Variants in RBFOX1 observed in about 807,000 individuals in gnomAD.
The protein encoded by RBFOX1 is RNA binding protein fox-1 homolog 1.
RBFOX1 carries 8 observed loss-of-function variants against 57.7 expected under a neutral mutation model. The observed-to-expected ratio is 0.14, with a 90% CI of 0.08 to 0.25. RBFOX1 has a LOEUF of 0.25. Ranked by LOEUF, RBFOX1 falls within the 10% of genes least tolerant of loss-of-function variation. The probability of loss-of-function intolerance (pLI) is 1.00; values close to 1 mark genes in which losing one functional copy is unlikely to be tolerated. For missense variants in RBFOX1, 611 were observed against 548.5 expected (o/e 1.11, Z -1.14); for synonymous variants, 326 against 222.4 (o/e 1.47, Z -4.15).
At chr16:6,025,247 T>C (rs2095167267) in intron 1 of RBFOX1, among the ~76,000 whole-genome samples, 1 of 152,244 alleles carries the variant, frequency 6.6e-6, no homozygotes, top group Non-Finnish European at 1.5e-5. Flanking sequence ...TCTGTGGACG[T>C]AGTGACATCT....
intron 2 of RBFOX1, among the ~76,000 whole-genome samples, chr16:6,432,072 C>T (rs2094116402): frequency 6.6e-6 from 1 of 151,966 alleles, no homozygotes; most frequent in Non-Finnish European, 1.5e-5. Context: ...ACGGAACCTC[C>T]TGCCACAGCC....
intron 4 of RBFOX1, among the ~76,000 whole-genome samples, chr16:7,236,427 C>T (rs532749621): frequency 2.0e-5 from 3 of 152,256 alleles, no homozygotes; most frequent in African/African-American, 7.2e-5. Context: ...AACATCTGGC[C>T]TTCAGTTCTC....
intron 3 of RBFOX1, among the ~76,000 whole-genome samples, chr16:6,985,781 C>G (rs984395565): frequency 2.9e-5 from 4 of 138,874 alleles, no homozygotes; most frequent in South Asian, 4.6e-4. Flanking sequence ...TTGCAATGAG[C>G]TTAGTTGGTG....
At chr16:6,485,075 C>G (rs1469467372) in intron 2 of RBFOX1, among the ~76,000 whole-genome samples, 2 of 152,016 alleles carry the variant, frequency 1.3e-5, no homozygotes, top group Admixed American at 6.5e-5. Flanking sequence ...GAGTAACTTG[C>G]CTTTGTGGTT....
chr16:7,476,234 A>T (rs2062678350), intron 4 of RBFOX1, among the ~76,000 whole-genome samples: 1 of 152,196 alleles, frequency 6.6e-6, no homozygotes, highest in Admixed American at 6.5e-5. Context: ...AGGCCTCCCA[A>T]AGTGCTGAAA....
intron 2 of RBFOX1, among the ~76,000 whole-genome samples, chr16:6,565,835 T>C (rs181882403): frequency 2.4e-4 from 37 of 152,340 alleles, no homozygotes; most frequent in African/African-American, 7.7e-4. Flanking sequence ...TTAGCAGCTA[T>C]GTGAGGCTAT....
At chr16:6,415,901 A>G (rs1011177444) in intron 2 of RBFOX1, among the ~76,000 whole-genome samples, 1 of 152,192 alleles carries the variant, frequency 6.6e-6, no homozygotes, top group South Asian at 2.1e-4. Context: ...GCCAGGTAAG[A>G]TGGGTTCACT....
At chr16:6,676,142 GCACACACACACA>G (rs59806354) in intron 3 of RBFOX1, among the ~76,000 whole-genome samples, 6,158 of 145,926 alleles carry the variant, frequency 0.042, 445 homozygotes, top group African/African-American at 0.15. Flanking sequence ...ACACACACGC[GCACACACACACA>G]CACACACACA....
At chr16:6,869,385 C>T (rs1019282347) in intron 3 of RBFOX1, among the ~76,000 whole-genome samples, 2 of 152,068 alleles carry the variant, frequency 1.3e-5, no homozygotes, top group Admixed American at 1.3e-4. Context: ...AAGAGTCAAA[C>T]ATGGGTCTTT....
intron 3 of RBFOX1, among the ~76,000 whole-genome samples, chr16:6,654,994 AT>A (rs1169241250): frequency 2.0e-4 from 2 of 10,008 alleles, no homozygotes; most frequent in African/African-American, 6.9e-4. Flanking sequence ...CATATGTATA[AT>A]TAATTATATT....
At chr16:5,911,897 C>T (rs1164128586) in intron 4 of RBFOX1, among the ~76,000 whole-genome samples, 1 of 152,148 alleles carries the variant, frequency 6.6e-6, no homozygotes, top group Non-Finnish European at 1.5e-5. Context: ...CTCTGAATAC[C>T]ATCACCTTGG....
intron 3 of RBFOX1, among the ~76,000 whole-genome samples, chr16:5,784,784 G>A (rs948343693): frequency 6.6e-6 from 1 of 152,126 alleles, no homozygotes; most frequent in Non-Finnish European, 1.5e-5. Context: ...AGCTGCCTTG[G>A]TTTTTCTGCC....
intron 2 of RBFOX1, chr16:5,467,384 C>A: frequency 1.2e-6 from 1 of 810,620 alleles, no homozygotes; most frequent in Non-Finnish European, 1.9e-6. Context: ...AACCACAGCA[C>A]AGTTCATCCC....
At chr16:5,839,281 A>G (rs899205527) in intron 3 of RBFOX1, among the ~76,000 whole-genome samples, 1 of 152,168 alleles carries the variant, frequency 6.6e-6, no homozygotes, top group Non-Finnish European at 1.5e-5. Flanking sequence ...ACAAAAAATC[A>G]CAGCAAATCA....
chr16:5,621,816 G>A (rs754436071), intron 3 of RBFOX1, among the ~76,000 whole-genome samples: 1 of 152,176 alleles, frequency 6.6e-6, no homozygotes, highest in Non-Finnish European at 1.5e-5. Flanking sequence ...TGGTGCAAAT[G>A]TGTATCTATC....
Position 7,011,167 on chromosome 16 carries a change from T to G in RBFOX1, c.-15-40890T>G, listed in dbSNP as rs531464013. Among the ~76,000 whole-genome samples the G allele has an allele frequency of 5.3e-5, 8 of 152,228 alleles. No homozygotes were observed. The South Asian group carries it at 1.7e-3, about 32-fold the overall frequency. On this transcript the variant is annotated intron_variant, in intron 3 of 15. Coordinates refer to ENST00000550418, the MANE Select transcript of RBFOX1 (RefSeq NM_018723.4). ...AAAAGTCAAAAACTGCAGACAGATT[T>G]GGATTTATTTGATTTCAATAATTAG...
rs375058248 is a variant in RBFOX1, at chr16:5,480,151, T to C, written c.258+12897T>C. On this transcript the variant is annotated intron_variant, in intron 2 of 2. Transcript: ENST00000585867. ...AGCTATCTCAGATTCACAGAATGAC[T>C]TGTGATCTAGGTTTTCTTTCATCCG... Among the ~76,000 whole-genome samples, 17 of 152,290 alleles carry C rather than the reference T, an allele frequency of 1.1e-4. No individual in the cohort carries two copies. In the East Asian group the frequency reaches 3.3e-3, roughly 29 times the overall value.
At chr16:5,517,930 C>CTGTGTGTGTGTGTGTGTGTG (rs71404527) in intron 2 of RBFOX1, among the ~76,000 whole-genome samples, 1 of 144,100 alleles carries the variant, frequency 6.9e-6, no homozygotes, top group African/African-American at 2.6e-5. Flanking sequence ...GCAAAAGCTA[C>CTGTGTGTGTGTGTGTGTGTG]TGTGTGTGTG....
intron 2 of RBFOX1, among the ~76,000 whole-genome samples, chr16:5,474,582 A>G (rs1213036744): frequency 6.6e-6 from 1 of 152,010 alleles, no homozygotes; most frequent in Non-Finnish European, 1.5e-5. Context: ...TGAACCCAGG[A>G]GGCAGAGGTT....
Sources: allele counts gnomAD v4.1 joint callset (sites outside exome capture counted in the v4.1 genomes callset), GRCh38; gene constraint gnomAD v4.1.1; transcripts MANE v1.5; gene names NCBI Gene and HGNC (gene_info 2026-07-23, HGNC 2026-07-21).